EPRS1: variants seen among roughly 807,000 people sequenced by gnomAD.
The protein encoded by EPRS1 is glutamyl-prolyl-tRNA synthetase 1, also known as bifunctional glutamate/proline--tRNA ligase.
A neutral mutation model predicts 188.3 loss-of-function variants in EPRS1; 107 were observed. The observed-to-expected ratio is 0.57, with a 90% CI of 0.49 to 0.67. The LOEUF (loss-of-function observed/expected upper bound fraction) is 0.67. Among genes scored for constraint, EPRS1 ranks in the 30% least tolerant of loss-of-function variants. The pLI is 0.00. For missense variants in EPRS1, 1,577 were observed against 1,802.2 expected, an observed-to-expected ratio of 0.88 and a Z score of 2.26; for synonymous variants, 596 against 593.1, an observed-to-expected ratio of 1.00 and a Z score of -0.07.
At chr1:220,019,193 G>C in intron 10 of EPRS1, 114 bp from the exon 11 acceptor site, 1 of 733,618 alleles carries the variant, frequency 1.4e-6, no homozygotes, top group African/African-American at 1.8e-5. Context: ...ATTTGTCTAA[G>C]AGCTAGTTAT....
intron 20 of EPRS1, among the ~76,000 whole-genome samples, chr1:219,984,500 C>T (rs966528121): frequency 3.3e-5 from 5 of 152,230 alleles, no homozygotes; most frequent in Non-Finnish European, 7.3e-5. Context: ...CTCACTGCAA[C>T]CTCGGACTCC....
chr1:219,982,995 C>T (rs538774714), intron 22 of EPRS1, 151 bp from the exon 23 acceptor site: 585 of 755,154 alleles, frequency 7.7e-4, no homozygotes, highest in Non-Finnish European at 1.1e-3. Context: ...AGGAAAGGTA[C>T]GCACTTACTG....
At chr1:220,020,267 C>T (rs774457525) in intron 9 of EPRS1, 46 bp from the exon 10 acceptor site, 4 of 1,210,152 alleles carry the variant, frequency 3.3e-6, no homozygotes, top group Admixed American at 3.8e-5. Context: ...TACCCTTTCC[C>T]TCTTAGATTA....
chr1:220,037,481 G>C (rs1448365743), intron 2 of EPRS1, among the ~76,000 whole-genome samples: 19 of 146,428 alleles, frequency 1.3e-4, no homozygotes, highest in Admixed American at 5.5e-4. Context: ...CTCCAGCCTG[G>C]GCAACACAGC....
In EPRS1 at chr1:220,020,209, T is replaced by C. The variant is rs139272363; in HGVS notation, c.1128A>G (p.Thr376=). 29 of 1,609,562 alleles carry C rather than the reference T, an allele frequency of 1.8e-5. No homozygotes were observed. The East Asian group carries it at 4.7e-4, about 26-fold the overall frequency. ...CAACTATGGGGCAGGCAAAATCATA[T>C]GTTGGATAAACACTAGAAAAAAAGA... ...RTGNKYNVYP[T]YDFACPIVDS... is the part of the protein sequence containing the mutation. The change falls in exon 10 of 32, where the codon ACA becomes ACG. Residue 376 remains threonine (T), a synonymous_variant. Transcript: ENST00000366923.
At chr1:219,982,998 A>T (rs1660929095) in intron 22 of EPRS1, among the ~76,000 whole-genome samples, 154 bp from the exon 23 acceptor site, 1 of 152,236 alleles carries the variant, frequency 6.6e-6, no homozygotes, top group African/African-American at 2.4e-5. Context: ...AAAGGTACGC[A>T]CTTACTGACC....
chr1:219,978,521 TA>T, intron 28 of EPRS1, 24 bp downstream of exon 28: 1 of 1,513,630 alleles, frequency 6.6e-7, no homozygotes, highest in Non-Finnish European at 8.9e-7. Context: ...ATGTTGGGGG[TA>T]AAAGATAAAG....
chr1:219,986,542 T>C (rs76054129), intron 20 of EPRS1, among the ~76,000 whole-genome samples: 2,893 of 152,332 alleles, frequency 0.019, 83 homozygotes, highest in African/African-American at 0.058. Context: ...CACATCATTA[T>C]GTGGTGTATG....
At chr1:220,033,314 A>T (rs1034867719) in intron 4 of EPRS1, among the ~76,000 whole-genome samples, 188 bp downstream of exon 4, 2 of 152,160 alleles carry the variant, frequency 1.3e-5, no homozygotes, top group Non-Finnish European at 2.9e-5. Context: ...AACACAGGGA[A>T]TTCCCGTAGC....
Position 219,997,360 on chromosome 1 carries a change from C to A in EPRS1, c.2182-18G>T. ...GCAGAGGTCTACCAAGAGAGAAAACCAAAAGTAAAATAATTAATTCATATT... is the reference window on the plus strand; with the variant it reads ...GCAGAGGTCTACCAAGAGAGAAAACAAAAAGTAAAATAATTAATTCATATT... On this transcript the variant is annotated intron_variant, in intron 17 of 31. Coordinates refer to ENST00000366923, the MANE Select transcript of EPRS1 (RefSeq NM_004446.3). 6.6e-7 allele frequency: 1 copy of A among 1,523,496 alleles called. No individual in the cohort carries two copies. Among genetic ancestry groups the A allele is most frequent in the Admixed American group, 2.3e-5 (1 of 43,416 alleles). The allele number at this position is 1,523,496 out of a possible 1,614,324, so 94.4% of individuals were successfully genotyped here.
At chr1:220,024,538 C>T in intron 7 of EPRS1, 82 bp from the exon 8 acceptor site, 1 of 846,374 alleles carries the variant, frequency 1.2e-6, no homozygotes, top group Non-Finnish European at 1.8e-6. Context: ...TGCATTTAAG[C>T]AAATGTAACA....
At chr1:220,039,195 A>G (rs1475781271) in intron 2 of EPRS1, among the ~76,000 whole-genome samples, 2 of 152,136 alleles carry the variant, frequency 1.3e-5, no homozygotes, top group African/African-American at 4.8e-5. Context: ...AAACTTCCCT[A>G]GAAGTTTCAG....
chr1:220,041,630 C>A (rs199976377), intron 1 of EPRS1, among the ~76,000 whole-genome samples: 46 of 152,166 alleles, frequency 3.0e-4, no homozygotes, highest in African/African-American at 1.1e-3. Flanking sequence ...CACCTGAGGT[C>A]GGGAGTTCGA....
chr1:220,033,362 G>T (rs1385453911), intron 4 of EPRS1, 140 bp downstream of exon 4: 1 of 534,250 alleles, frequency 1.9e-6, no homozygotes, highest in Non-Finnish European at 3.2e-6. Flanking sequence ...TCATTCCCCT[G>T]TAATAAAGTC....
At position 220,033,502 on chromosome 1, in the gene EPRS1, C is replaced by A. The variant is rs768735228; in HGVS notation, c.388G>T (p.Gly130Ter). The A allele has an allele frequency of 6.2e-7, 1 of 1,600,608 alleles. No individual in the cohort carries two copies. Among genetic ancestry groups the A allele is most frequent in the South Asian group, 1.1e-5 (1 of 89,220 alleles). The change falls in exon 4 of 32, where the codon GGA becomes TGA. Residue 130 changes from glycine to a stop codon, truncating the protein, a stop_gained and splice_region_variant. Coordinates refer to ENST00000366923, the MANE Select transcript of EPRS1 (RefSeq NM_004446.3). LOFTEE classifies it high-confidence loss of function. ...ADLCVWATLK[G>*]NAAWQEQLKQ... is the part of the protein sequence containing the mutation. ...GAGGATTATTAAGAATTATTGATAC[C>A]TTTTAGGGTGGCCCAAACACATAAA...
intron 28 of EPRS1, 58 bp downstream of exon 28, chr1:219,978,488 G>A: frequency 7.5e-7 from 1 of 1,338,682 alleles, no homozygotes; most frequent in African/African-American, 1.5e-5. Flanking sequence ...ACATGCAGAG[G>A]AAAATCTAAA....
chr1:219,997,404 T>C (rs768550813), intron 17 of EPRS1, 62 bp from the exon 18 acceptor site: 1 of 1,383,792 alleles, frequency 7.2e-7, no homozygotes, highest in Non-Finnish European at 9.7e-7. Context: ...TCCCACAAAA[T>C]TATTTCAAAC....
chr1:220,008,447 C>T (rs1300226763), intron 13 of EPRS1, among the ~76,000 whole-genome samples: 1 of 151,648 alleles, frequency 6.6e-6, no homozygotes, highest in Non-Finnish European at 1.5e-5. Context: ...CATTAACCAG[C>T]ATGTGTTTAA....
chr1:220,018,412 A>G, intron 12 of EPRS1, 37 bp downstream of exon 12: 4 of 1,486,146 alleles, frequency 2.7e-6, no homozygotes, highest in Non-Finnish European at 3.8e-6. Context: ...TTGGGACTTA[A>G]GCATGAGAAA....
Sources: allele counts gnomAD v4.1 joint callset (sites outside exome capture counted in the v4.1 genomes callset), GRCh38; gene constraint gnomAD v4.1.1; transcripts MANE v1.5; gene names NCBI Gene and HGNC (gene_info 2026-07-23, HGNC 2026-07-21).